ARFGEF1: variants seen among roughly 807,000 people sequenced by gnomAD.
ARFGEF1 encodes the protein brefeldin A-inhibited guanine nucleotide-exchange protein 1.
ARFGEF1 carries 42 observed loss-of-function variants against 231.0 expected under a neutral mutation model. The observed-to-expected ratio is 0.18, with a 90% confidence interval of 0.14 to 0.24. The LOEUF (loss-of-function observed/expected upper bound fraction) is 0.24. Ranked by LOEUF, ARFGEF1 falls within the 10% of genes least tolerant of loss-of-function variation. The pLI is 1.00. For missense variants in ARFGEF1, 1,345 were observed against 2,192.0 expected, an observed-to-expected ratio of 0.61 and a Z score of 7.72; for synonymous variants, 710 against 732.3, an observed-to-expected ratio of 0.97 and a Z score of 0.49.
At chr8:67,212,616 C>G (rs1838789035) in intron 33 of ARFGEF1, among the ~76,000 whole-genome samples, 1 of 152,142 alleles carries the variant, frequency 6.6e-6, no homozygotes, top group South Asian at 2.1e-4. Flanking sequence ...ATGAGAGAAC[C>G]TGGTTTCAGG....
At chr8:67,255,471 C>T (rs980017113) in intron 17 of ARFGEF1, among the ~76,000 whole-genome samples, 5 of 151,948 alleles carry the variant, frequency 3.3e-5, no homozygotes, top group Non-Finnish European at 7.4e-5. Context: ...AAAAAGTAGC[C>T]TAACTATAAA....
intron 5 of ARFGEF1, chr8:67,177,723 A>G: frequency 6.2e-7 from 1 of 1,609,144 alleles, no homozygotes; most frequent in African/African-American, 1.3e-5. Flanking sequence ...GAGAGCAAAG[A>G]ATGGTAAGCA....
At position 67,191,848 on chromosome 8, in the gene ARFGEF1, T is replaced by G. The variant is rs201598538; in HGVS notation, c.560+8548A>C. ...GTACCAGACTTTTCCAAAGTGGCTGTACCATTTTACCTTCCCATCATCCAC... is the reference window on the plus strand; with the variant it reads ...GTACCAGACTTTTCCAAAGTGGCTGGACCATTTTACCTTCCCATCATCCAC... On this transcript the variant is annotated intron_variant, in intron 5 of 5. Coordinates refer to the ARFGEF1 transcript ENST00000518789. Among the ~76,000 whole-genome samples, 29 of 152,344 alleles carry G rather than the reference T, an allele frequency of 1.9e-4. No homozygotes were observed. In the East Asian group the frequency reaches 5.6e-3, roughly 29 times the overall value.
At chr8:67,204,587 CA>C in intron 35 of ARFGEF1, 92 bp downstream of exon 35, 1 of 1,414,040 alleles carries the variant, frequency 7.1e-7, no homozygotes, top group Non-Finnish European at 9.5e-7. Flanking sequence ...GAAGGCCCCA[CA>C]AACTAATTCT....
At chr8:67,208,156 T>C (rs1306641669) in intron 34 of ARFGEF1, among the ~76,000 whole-genome samples, 1 of 152,104 alleles carries the variant, frequency 6.6e-6, no homozygotes, top group Non-Finnish European at 1.5e-5. Flanking sequence ...AAATGAAAAA[T>C]GAAACTCGGC....
At chr8:67,342,176 A>G (rs901426627) in intron 1 of ARFGEF1, among the ~76,000 whole-genome samples, 1 of 152,220 alleles carries the variant, frequency 6.6e-6, no homozygotes, top group African/African-American at 2.4e-5. Flanking sequence ...TATAAAGTGT[A>G]AACATTAGGA....
intron 1 of ARFGEF1, among the ~76,000 whole-genome samples, chr8:67,313,380 T>G (rs140173078): frequency 2.0e-5 from 3 of 152,084 alleles, no homozygotes; most frequent in African/African-American, 7.2e-5. Context: ...ATTACCAGGG[T>G]TGGTTTTCTG....
At chr8:67,183,777 T>TA (rs1196849906) in intron 5 of ARFGEF1, among the ~76,000 whole-genome samples, 1 of 135,116 alleles carries the variant, frequency 7.4e-6, no homozygotes, top group African/African-American at 2.8e-5. Flanking sequence ...GACTTTTAGA[T>TA]AAAAAACCAA....
chr8:67,340,893 C>T (rs182676686), intron 1 of ARFGEF1, among the ~76,000 whole-genome samples: 11 of 152,284 alleles, frequency 7.2e-5, no homozygotes, highest in Admixed American at 5.9e-4. Context: ...GTAATCCCGA[C>T]CTCCAGAAAT....
At chr8:67,285,087 AT>A (rs1460280037) in intron 7 of ARFGEF1, among the ~76,000 whole-genome samples, 10 of 81,302 alleles carry the variant, frequency 1.2e-4, no homozygotes, top group African/African-American at 4.3e-4. Context: ...AGCCCATGGT[AT>A]TATTTTTAAA....
chr8:67,291,743 C>T, intron 6 of ARFGEF1, 104 bp downstream of exon 6: 1 of 1,426,040 alleles, frequency 7.0e-7, no homozygotes, highest in Non-Finnish European at 9.5e-7. Flanking sequence ...GTGTCTGACA[C>T]ACTTATTAAA....
intron 1 of ARFGEF1, among the ~76,000 whole-genome samples, chr8:67,330,924 CT>C (rs1232814094): frequency 3.0e-4 from 45 of 152,096 alleles, no homozygotes; most frequent in East Asian, 1.3e-3. Context: ...TACTTCCCAA[CT>C]ATAACACTTT....
At chr8:67,236,365 A>ATATAT (rs1554638967) in intron 22 of ARFGEF1, among the ~76,000 whole-genome samples, 5 of 29,054 alleles carry the variant, frequency 1.7e-4, no homozygotes, top group East Asian at 1.2e-3. Context: ...AAAAAAAAAA[A>ATATAT]ATATATATAT....
intron 1 of ARFGEF1, 77 bp downstream of exon 1, chr8:67,343,087 G>GCC: frequency 7.2e-6 from 7 of 971,348 alleles, no homozygotes; most frequent in Non-Finnish European, 7.4e-6. Context: ...AGCCCCGGGC[G>GCC]ACCCCACCCC....
chr8:67,227,672 T>C, intron 25 of ARFGEF1, 74 bp from the exon 26 acceptor site: 1 of 1,503,160 alleles, frequency 6.7e-7, no homozygotes, highest in Non-Finnish European at 9.1e-7. Flanking sequence ...ATTTTTTGTT[T>C]TAGAAAAAGT....
intron 21 of ARFGEF1, 65 bp downstream of exon 21, chr8:67,238,670 T>C (rs1349472507): frequency 6.4e-7 from 1 of 1,552,462 alleles, no homozygotes; most frequent in African/African-American, 1.4e-5. Flanking sequence ...ATGTCAATGA[T>C]GGACTATTTA....
rs766927159 is a variant in ARFGEF1, at chr8:67,211,551, C to T, written c.4751G>A (p.Arg1584Lys). Residue 1584 changes from arginine to lysine, a missense_variant, in exon 34 of 39, where the codon AGA becomes AAA. Physicochemically the swap from Arg to Lys is conservative, Grantham distance 26 (BLOSUM62 2). This residue lies in a region of ARFGEF1 where 89 missense variants were observed against 74.8 expected (regional missense o/e 1.19). Coordinates refer to ENST00000262215, the MANE Select transcript of ARFGEF1 (RefSeq NM_006421.5). ...DSIQPRSVDN[R>K]PQAPLVSASA... Reference sequence around the variant, plus strand: ...CGCAGAAACCAGTGGTGCTTGTGGTCTGTTATCCACAGACCTTGGTTGAAT... The same window carrying T: ...CGCAGAAACCAGTGGTGCTTGTGGTTTGTTATCCACAGACCTTGGTTGAAT... 6.3e-7 allele frequency: 1 copy of T among 1,588,632 alleles called. No homozygotes were observed.
At chr8:67,232,067 T>A (rs1293235109) in intron 23 of ARFGEF1, among the ~76,000 whole-genome samples, 1 of 152,010 alleles carries the variant, frequency 6.6e-6, no homozygotes, top group South Asian at 2.1e-4. Context: ...AACATTCTAG[T>A]TCTACCTGTA....
intron 1 of ARFGEF1, among the ~76,000 whole-genome samples, chr8:67,339,805 G>GGGGGGGGGGGGGTTTTTTTTTTTT (rs79194289): frequency 1.1e-5 from 1 of 92,686 alleles, no homozygotes; most frequent in Non-Finnish European, 2.2e-5. Flanking sequence ...CGGGGGGGGG[G>GGGGGGGGGGGGGTTTTTTTTTTTT]ATTCTTTCTT....
Sources: allele counts gnomAD v4.1 joint callset (sites outside exome capture counted in the v4.1 genomes callset), GRCh38; gene constraint gnomAD v4.1.1; regional missense constraint gnomAD v4.1.1; transcripts MANE v1.5; gene names NCBI Gene and HGNC (gene_info 2026-07-23, HGNC 2026-07-21).